Variants in HEPHL1 observed in about 807,000 individuals in gnomAD.
The protein encoded by HEPHL1 is hephaestin like 1.
Under a neutral mutation model 122.0 loss-of-function variants are expected in HEPHL1, and 123 were observed. The ratio of observed to expected loss-of-function variants is 1.01; its 90% CI spans 0.87 to 1.17. The LOEUF (loss-of-function observed/expected upper bound fraction) is 1.17. HEPHL1 is among the 50% of genes most tolerant of loss of function. HEPHL1 has a pLI of 0.00. For synonymous variants in HEPHL1, 527 were observed against 508.9 expected, an observed-to-expected ratio of 1.04 and a Z score of -0.48; for missense variants, 1,452 against 1,430.5, an observed-to-expected ratio of 1.01 and a Z score of -0.24.
intron 10 of HEPHL1, among the ~76,000 whole-genome samples, chr11:94,083,735 C>T (rs1267566120): frequency 6.7e-6 from 1 of 150,308 alleles, no homozygotes; most frequent in Non-Finnish European, 1.5e-5. Context: ...ACAGAGTCCC[C>T]TCTTGTGCCA....
In HEPHL1 at chr11:94,111,989, G is replaced by A. The variant is rs866021611; in HGVS notation, c.*95G>A. 23 of 838,600 alleles carry A rather than the reference G, an allele frequency of 2.7e-5. No individual in the cohort carries two copies. In the Middle Eastern group the frequency reaches 9.4e-4, roughly 34 times the overall value. 51.9% of individuals were successfully genotyped at this position (838,600 alleles called of 1,614,324 possible). On this transcript the variant is annotated 3_prime_UTR_variant, in exon 20 of 20. Transcript: ENST00000315765. The stretch of plus-strand genomic sequence containing the variant: ...CTGGACCAAGGCATCACTCACCAAG[G>A]AAGGTTGACACTGTATCCTGGATCA...
At chr11:94,105,867 T>C (rs1403985506) in intron 16 of HEPHL1, 124 bp from the exon 17 acceptor site, 13 of 570,422 alleles carry the variant, frequency 2.3e-5, no homozygotes, top group African/African-American at 2.3e-4. Flanking sequence ...TAGGGGTGAG[T>C]GAGATTGTTG....
intron 17 of HEPHL1, 56 bp downstream of exon 17, chr11:94,106,186 T>A: frequency 1.5e-6 from 2 of 1,358,720 alleles, no homozygotes; most frequent in South Asian, 1.7e-5. Flanking sequence ...AAATTCAATG[T>A]ATTTCCAGTG....
intron 13 of HEPHL1, among the ~76,000 whole-genome samples, chr11:94,097,382 C>T (rs898839012): frequency 5.9e-5 from 9 of 152,118 alleles, no homozygotes; most frequent in Admixed American, 2.6e-4. Flanking sequence ...GTCTGAGAGA[C>T]AGTTTGTTAT....
Position 94,060,968 on chromosome 11 carries a change from A to G in HEPHL1, c.416-2540A>G, listed in dbSNP as rs143269639. Among the ~76,000 whole-genome samples, 255 of 152,314 alleles carry G rather than the reference A, an allele frequency of 1.7e-3. 1 individual carries two copies. Among genetic ancestry groups the G allele is most frequent in the Non-Finnish European group, 2.8e-3 (193 of 68,020 alleles). On this transcript the variant is annotated intron_variant, in intron 2 of 19. Coordinates refer to ENST00000315765, the MANE Select transcript of HEPHL1 (RefSeq NM_001098672.2). ...GTGAGAGATGATGGTAGTTCAGACT[A>G]GGGATGTGATGTTGGAGATCAACAT...
chr11:94,093,997 T>TAG (rs1444703893), intron 13 of HEPHL1, among the ~76,000 whole-genome samples: 1 of 119,042 alleles, frequency 8.4e-6, no homozygotes, highest in Non-Finnish European at 1.6e-5. Flanking sequence ...TATATATATA[T>TAG]ATATATATAT....
intron 14 of HEPHL1, among the ~76,000 whole-genome samples, chr11:94,102,345 G>A (rs1486556017): frequency 2.0e-5 from 3 of 152,232 alleles, no homozygotes; most frequent in African/African-American, 7.2e-5. Flanking sequence ...CTGGTCAAAT[G>A]TGGGATAAAT....
intron 6 of HEPHL1, among the ~76,000 whole-genome samples, chr11:94,071,757 C>A (rs1477661698): frequency 6.6e-6 from 1 of 152,056 alleles, no homozygotes; most frequent in Admixed American, 6.6e-5. Context: ...TCAGAGAGAG[C>A]TAAGCTGGCC....
chr11:94,063,434 C>A, intron 2 of HEPHL1, 74 bp from the exon 3 acceptor site: 1 of 1,167,862 alleles, frequency 8.6e-7, no homozygotes. Context: ...AAGCTCTGGC[C>A]CTCTCTACTA....
At position 94,062,398 on chromosome 11, in the gene HEPHL1, C is replaced by T. The variant is rs114620372; in HGVS notation, c.416-1110C>T. On this transcript the variant is annotated intron_variant, in intron 2 of 19. Coordinates refer to ENST00000315765, the MANE Select transcript of HEPHL1 (RefSeq NM_001098672.2). Reference sequence around the variant, plus strand: ...ACATCTTTCTCCAAACATCAAACCACGCTTTCATGGTAGAATTTGTTAAAT... The same window carrying T: ...ACATCTTTCTCCAAACATCAAACCATGCTTTCATGGTAGAATTTGTTAAAT... Among the ~76,000 whole-genome samples the T allele has an allele frequency of 8.9e-3, 1,349 of 152,298 alleles. 17 individuals are homozygous for T. Among genetic ancestry groups the T allele is most frequent in the African/African-American group, 0.031 (1,281 of 41,556 alleles).
At chr11:94,095,191 T>C (rs1946300809) in intron 13 of HEPHL1, among the ~76,000 whole-genome samples, 1 of 152,212 alleles carries the variant, frequency 6.6e-6, no homozygotes, top group Non-Finnish European at 1.5e-5. Flanking sequence ...AAGGAAGGGA[T>C]CCAGTTTCAG....
chr11:94,055,459 T>G (rs760880650), intron 2 of HEPHL1: 2 of 237,306 alleles, frequency 8.4e-6, no homozygotes, highest in African/African-American at 2.3e-5. Context: ...ATCAGTAACA[T>G]GAGGATCTTT....
At chr11:94,034,194 T>A (rs4753116) in intron 1 of HEPHL1, among the ~76,000 whole-genome samples, 2 of 152,022 alleles carry the variant, frequency 1.3e-5, no homozygotes, top group East Asian at 3.9e-4. Flanking sequence ...GGATCCTTCT[T>A]CCCAGCTTGA....
chr11:94,107,491 G>A (rs896802912), intron 17 of HEPHL1, among the ~76,000 whole-genome samples: 18 of 152,198 alleles, frequency 1.2e-4, no homozygotes, highest in African/African-American at 3.4e-4. Context: ...GTAGTGTAAC[G>A]AACAACAATC....
At chr11:94,084,357 T>C (rs1046698156) in intron 10 of HEPHL1, among the ~76,000 whole-genome samples, 8 of 150,116 alleles carry the variant, frequency 5.3e-5, no homozygotes, top group African/African-American at 1.9e-4. Flanking sequence ...AATAAATAAA[T>C]AAATAAATAA....
At chr11:94,035,814 G>GC (rs1182752642) in intron 1 of HEPHL1, among the ~76,000 whole-genome samples, 1 of 152,180 alleles carries the variant, frequency 6.6e-6, no homozygotes, top group African/African-American at 2.4e-5. Context: ...TCGGCTCACT[G>GC]CAAGCTCCGC....
intron 1 of HEPHL1, among the ~76,000 whole-genome samples, chr11:94,028,418 G>A (rs1945644987): frequency 6.6e-6 from 1 of 152,156 alleles, no homozygotes; most frequent in African/African-American, 2.4e-5. Context: ...ATCTAACCTG[G>A]AAGTCCAACT....
rs150730021 is a variant in HEPHL1, at chr11:94,080,650, C to A, written c.1717-1768C>A. 3.1e-3 allele frequency among the ~76,000 whole-genome samples: 471 copies of A among 152,282 alleles called. 2 individuals are homozygous for A. Among genetic ancestry groups the A allele is most frequent in the Non-Finnish European group, 5.2e-3 (352 of 68,022 alleles). On this transcript the variant is annotated intron_variant, in intron 9 of 19. Transcript: ENST00000315765. ...GCAAAAGACGTGAACAGACACTTCT[C>A]AAAAGAAGACATCTATGCAGCCAAT...
chr11:94,105,493 G>A (rs112859892), intron 16 of HEPHL1, among the ~76,000 whole-genome samples: 1 of 152,184 alleles, frequency 6.6e-6, no homozygotes, highest in African/African-American at 2.4e-5. Flanking sequence ...TGTAAACTCA[G>A]TTTGCTTTGG....
Sources: gnomAD v4.1 joint callset for allele counts (sites outside exome capture counted in the v4.1 genomes callset) on GRCh38, gnomAD v4.1.1 for gene constraint, MANE v1.5 for transcripts, NCBI Gene and HGNC (gene_info 2026-07-23, HGNC 2026-07-21) for gene names.